CTDSPL: variants seen among roughly 807,000 people sequenced by gnomAD.
CTDSPL encodes CTD small phosphatase like, also known as CTD small phosphatase-like protein.
CTDSPL carries 8 observed loss-of-function variants against 30.5 expected under a neutral mutation model. That is an observed-to-expected ratio of 0.26 (90% CI 0.15 to 0.47). CTDSPL has a LOEUF of 0.47. Ranked by LOEUF, CTDSPL falls within the 20% of genes least tolerant of loss-of-function variation. The pLI, the probability that CTDSPL is intolerant of heterozygous loss-of-function variation, is 0.99. For missense variants in CTDSPL, 248 were observed against 366.1 expected (o/e 0.68, Z 2.63); for synonymous variants, 110 against 137.9 (o/e 0.80, Z 1.42).
Position 37,874,903 on chromosome 3 carries a change from AACTT to A in CTDSPL, c.79+12630_79+12633del, listed in dbSNP as rs570671679. 2.8e-4 allele frequency among the ~76,000 whole-genome samples: 42 copies of A among 152,302 alleles called. No homozygotes were observed. The East Asian group carries it at 8.1e-3, about 29-fold the overall frequency. ...ATGTTGAAAGAATTATATGTCTTAG[AACTT>A]ACTTTGCAGATTTGAAATCTTGACT... On this transcript the variant is annotated intron_variant, in intron 1 of 7. Transcript: ENST00000273179.
intron 1 of CTDSPL, among the ~76,000 whole-genome samples, chr3:37,929,169 T>C (rs1698820329): frequency 6.6e-6 from 1 of 152,246 alleles, no homozygotes; most frequent in Admixed American, 6.5e-5. Flanking sequence ...CATACTATTT[T>C]AATTACCATA....
chr3:37,973,068 A>G (rs1330854470), intron 6 of CTDSPL, among the ~76,000 whole-genome samples: 3 of 152,208 alleles, frequency 2.0e-5, no homozygotes, highest in Non-Finnish European at 4.4e-5. Context: ...CACTTGCACA[A>G]ATGCTGCCAG....
intron 1 of CTDSPL, among the ~76,000 whole-genome samples, chr3:37,865,509 A>G (rs1697999036): frequency 6.6e-6 from 1 of 152,238 alleles, no homozygotes; most frequent in Admixed American, 6.5e-5. Context: ...GAGTTTTTAG[A>G]GAGTAATTTA....
chr3:37,894,113 G>A (rs983939639), intron 1 of CTDSPL, among the ~76,000 whole-genome samples: 14 of 151,980 alleles, frequency 9.2e-5, no homozygotes, highest in African/African-American at 3.1e-4. Flanking sequence ...AAGATCTCAC[G>A]GTGTCACCCA....
intron 1 of CTDSPL, among the ~76,000 whole-genome samples, chr3:37,897,244 T>C (rs1323504566): frequency 6.6e-6 from 1 of 152,212 alleles, no homozygotes; most frequent in East Asian, 1.9e-4. Flanking sequence ...TTTTAAGCTA[T>C]TGAACTTTCA....
intron 5 of CTDSPL, chr3:37,968,347 A>G (rs1055700249): frequency 2.4e-6 from 1 of 410,638 alleles, no homozygotes; most frequent in African/African-American, 2.1e-5. Flanking sequence ...ATCTTTAGCA[A>G]ATACCCACCC....
chr3:37,897,226 C>A (rs1475034806), intron 1 of CTDSPL, among the ~76,000 whole-genome samples: 2 of 152,106 alleles, frequency 1.3e-5, no homozygotes, highest in Non-Finnish European at 2.9e-5. Flanking sequence ...TTTTTCACAG[C>A]TGTAACATTT....
intron 1 of CTDSPL, among the ~76,000 whole-genome samples, chr3:37,934,043 C>T (rs1698886801): frequency 1.3e-5 from 2 of 152,154 alleles, no homozygotes; most frequent in Non-Finnish European, 1.5e-5. Context: ...AAGATTGTAG[C>T]TAGGTGTGGT....
intron 1 of CTDSPL, among the ~76,000 whole-genome samples, chr3:37,928,725 C>T (rs577753596): frequency 3.6e-4 from 55 of 152,216 alleles, no homozygotes; most frequent in African/African-American, 1.3e-3. Context: ...TTCTCCCATG[C>T]TTTAGGTTGC....
intron 1 of CTDSPL, among the ~76,000 whole-genome samples, chr3:37,878,296 G>C (rs1330795613): frequency 6.6e-6 from 1 of 152,014 alleles, no homozygotes. Flanking sequence ...TTTCTCCTGT[G>C]TTTTCTCTAG....
intron 1 of CTDSPL, among the ~76,000 whole-genome samples, chr3:37,870,356 A>G (rs553865887): frequency 1.3e-5 from 2 of 152,148 alleles, no homozygotes; most frequent in African/African-American, 4.8e-5. Context: ...AGCTATTCAT[A>G]GCATTTTTCC....
chr3:37,887,716 A>T (rs193071517), intron 1 of CTDSPL, among the ~76,000 whole-genome samples: 1 of 152,330 alleles, frequency 6.6e-6, no homozygotes, highest in East Asian at 1.9e-4. Flanking sequence ...AACTGGGGTG[A>T]AATACTTAGA....
intron 6 of CTDSPL, 56 bp downstream of exon 6, chr3:37,971,555 C>T: frequency 1.3e-6 from 2 of 1,487,198 alleles, no homozygotes; most frequent in South Asian, 1.2e-5. Flanking sequence ...GCCCCTCCAC[C>T]CCTACCCCCA....
intron 5 of CTDSPL, among the ~76,000 whole-genome samples, chr3:37,968,698 A>G (rs1256597777): frequency 4.6e-5 from 7 of 152,162 alleles, no homozygotes; most frequent in Non-Finnish European, 2.9e-5. Context: ...TTTTCTTAGC[A>G]ATGTCAGTAG....
At chr3:37,931,450 C>T (rs1698854448) in intron 1 of CTDSPL, among the ~76,000 whole-genome samples, 1 of 152,138 alleles carries the variant, frequency 6.6e-6, no homozygotes, top group Non-Finnish European at 1.5e-5. Context: ...CCATCACACC[C>T]AGCCCCCTCT....
chr3:37,862,145 G>A lies in CTDSPL; in HGVS notation c.-55G>A. The A allele has an allele frequency of 1.1e-6, 1 of 933,286 alleles. No homozygotes were observed. The highest frequency in any genetic ancestry group is 1.3e-6 in the Non-Finnish European group (1 of 785,074). The allele number at this position is 933,286 out of a possible 1,614,324, so 57.8% of individuals were successfully genotyped here. On this transcript the variant is annotated 5_prime_UTR_variant, in exon 1 of 8. Coordinates refer to ENST00000273179, the MANE Select transcript of CTDSPL (RefSeq NM_001008392.2). The surrounding 1 kb of genome is among the most constrained non-coding windows in gnomAD (Gnocchi z 4.3). ...CCCGCGCCCCCCGCGCCGCGCCCCC[G>A]CGCGCTTGGCTTGCGGGGGGCCGGG... is the stretch of plus-strand genomic sequence containing the variant.
At position 37,975,618 on chromosome 3, in the gene CTDSPL, TA is replaced by T; in HGVS notation, c.520-85del. On this transcript the variant is annotated intron_variant, in intron 6 of 7. Transcript: ENST00000273179. The surrounding 1 kb of genome is among the most constrained non-coding windows in gnomAD (Gnocchi z 4.9). The stretch of plus-strand genomic sequence containing the variant: ...CACATCTAATTATTAAATCCATTTT[TA>T]AAAAACGTAATCTGGATCTTGCTGC... The T allele has an allele frequency of 1.7e-6, 2 of 1,193,212 alleles. No individual in the cohort carries two copies. Among genetic ancestry groups the T allele is most frequent in the Non-Finnish European group, 2.3e-6 (2 of 853,216 alleles). The allele number at this position is 1,193,212 out of a possible 1,614,324, so 73.9% of individuals were successfully genotyped here.
chr3:37,893,654 C>T (rs889287380), intron 1 of CTDSPL, among the ~76,000 whole-genome samples: 1 of 152,168 alleles, frequency 6.6e-6, no homozygotes, highest in African/African-American at 2.4e-5. Context: ...TACATTCTTT[C>T]TCTAGGTCTC....
In CTDSPL at chr3:37,977,723, T is replaced by TA. The variant is rs879690217; in HGVS notation, c.705+1842dup. On this transcript the variant is annotated intron_variant, in intron 7 of 7. Transcript: ENST00000273179. ...GGCAACATGGCAAGACCCCATCTCT[T>TA]AAAAAAAAAAAAATTAGCCAGACGG... Among the ~76,000 whole-genome samples the TA allele has an allele frequency of 6.1e-3, 870 of 143,668 alleles. 21 individuals are homozygous for TA. Among genetic ancestry groups the TA allele is most frequent in the Admixed American group, 0.053 (754 of 14,340 alleles). The allele number at this position is 143,668 out of a possible 152,430, so 94.3% of individuals were successfully genotyped here.
Sources: gnomAD v4.1 joint callset for allele counts (sites outside exome capture counted in the v4.1 genomes callset) on GRCh38, gnomAD v4.1.1 for gene constraint, Gnocchi (gnomAD v3.1) non-coding constraint, MANE v1.5 for transcripts, NCBI Gene and HGNC (gene_info 2026-07-23, HGNC 2026-07-21) for gene names.